Variants in PTK2 observed in about 807,000 individuals in gnomAD.
PTK2 encodes the protein protein tyrosine kinase 2.
PTK2 carries 45 observed loss-of-function variants against 150.1 expected under a neutral mutation model. The ratio of observed to expected loss-of-function variants is 0.30; its 90% confidence interval spans 0.24 to 0.38. The LOEUF (loss-of-function observed/expected upper bound fraction) is 0.38. Ranked by LOEUF, PTK2 falls within the 10% of genes least tolerant of loss-of-function variation. The pLI, the probability that PTK2 is intolerant of heterozygous loss-of-function variation, is 1.00. For missense variants in PTK2, 919 were observed against 1,307.3 expected (o/e 0.70, Z 4.58); for synonymous variants, 432 against 449.2 (o/e 0.96, Z 0.48).
At chr8:140,679,886 G>A (rs913205290) in intron 27 of PTK2, among the ~76,000 whole-genome samples, 4 of 152,090 alleles carry the variant, frequency 2.6e-5, no homozygotes, top group African/African-American at 9.7e-5. Context: ...ACAAAATGGG[G>A]CCAAAACCAA....
chr8:140,929,146 T>C lies in PTK2; in HGVS notation c.-121-3397A>G, dbSNP rs550272663. On this transcript the variant is annotated intron_variant, in intron 1 of 31. Coordinates refer to ENST00000522684, the Ensembl canonical transcript of PTK2. ...ACGCCCGGCTAATTTTTTGTATTTTTAGTAGAGACGGGGTTTCACCATTTT... is the reference window on the plus strand; with the variant it reads ...ACGCCCGGCTAATTTTTTGTATTTTCAGTAGAGACGGGGTTTCACCATTTT... Among the ~76,000 whole-genome samples, 955 of 150,240 alleles carry C rather than the reference T, an allele frequency of 6.4e-3. 6 individuals carry two copies. The highest frequency in any genetic ancestry group is 0.022 in the African/African-American group (915 of 40,972).
At chr8:140,668,533 G>T in intron 29 of PTK2, 109 bp from the exon 34 acceptor site, 1 of 1,278,544 alleles carries the variant, frequency 7.8e-7, no homozygotes, top group Non-Finnish European at 1.1e-6. Flanking sequence ...ATTGCAGAAG[G>T]TCATTGATTT....
At chr8:140,786,918 G>C (rs2100085306) in intron 14 of PTK2, among the ~76,000 whole-genome samples, 1 of 152,068 alleles carries the variant, frequency 6.6e-6, no homozygotes, top group Non-Finnish European at 1.5e-5. Flanking sequence ...ACAGAGATAA[G>C]GAGGATGGGA....
chr8:140,854,845 T>A (rs2100131556), intron 5 of PTK2, among the ~76,000 whole-genome samples: 1 of 152,180 alleles, frequency 6.6e-6, no homozygotes, highest in South Asian at 2.1e-4. Context: ...ATTTTCAGAA[T>A]GAGAAATAAT....
chr8:140,965,065 G>A (rs907532780), intron 1 of PTK2, among the ~76,000 whole-genome samples: 3 of 151,956 alleles, frequency 2.0e-5, no homozygotes, highest in African/African-American at 4.8e-5. Flanking sequence ...GAAGAGTGTC[G>A]GCCTGGGCAT....
chr8:140,937,450 A>G (rs1164346460), intron 1 of PTK2, among the ~76,000 whole-genome samples: 2 of 152,138 alleles, frequency 1.3e-5, no homozygotes, highest in African/African-American at 2.4e-5. Context: ...TAAAGCCTGG[A>G]CATAATTACA....
intron 29 of PTK2, chr8:140,669,301 G>GTATGTATATATGTA (rs547959878): frequency 3.0e-4 from 29 of 97,992 alleles, no homozygotes; most frequent in African/African-American, 1.3e-3. Context: ...GCATAAAATG[G>GTATGTATATATGTA]TATATATATA....
intron 1 of PTK2, among the ~76,000 whole-genome samples, chr8:140,948,430 T>C (rs1356968355): frequency 2.0e-5 from 3 of 152,178 alleles, no homozygotes; most frequent in Non-Finnish European, 4.4e-5. Context: ...ACTATCTTTA[T>C]CTTAAAAGGA....
rs566077659 is a variant in PTK2, at chr8:140,873,922, C to T, written c.362+5549G>A. On this transcript the variant is annotated intron_variant, in intron 4 of 31. Transcript: ENST00000522684. Reference sequence around the variant, plus strand: ...AGTACAGTAGAATTTGCCAGCCTTTCTTTTTATAGTGAACGTTTTGGAGCT... The same window carrying T: ...AGTACAGTAGAATTTGCCAGCCTTTTTTTTTATAGTGAACGTTTTGGAGCT... Among the ~76,000 whole-genome samples the T allele has an allele frequency of 2.0e-5, 3 of 152,300 alleles. No individual in the cohort carries two copies. The East Asian group carries it at 5.8e-4, about 29-fold the overall frequency.
intron 29 of PTK2, 171 bp downstream of exon 32, chr8:140,674,127 C>G (rs2100012196): frequency 1.3e-6 from 1 of 767,952 alleles, no homozygotes; most frequent in East Asian, 2.5e-5. Context: ...CCCTGACTCT[C>G]AGAGGGGTTC....
chr8:140,940,121 A>G (rs2154608812), intron 1 of PTK2, among the ~76,000 whole-genome samples: 1 of 152,360 alleles, frequency 6.6e-6, no homozygotes, highest in East Asian at 1.9e-4. Context: ...ATATCCTAAC[A>G]TATCCCTGAT....
intron 14 of PTK2, among the ~76,000 whole-genome samples, chr8:140,781,847 G>C (rs145173492): frequency 6.6e-6 from 1 of 152,326 alleles, no homozygotes; most frequent in East Asian, 1.9e-4. Context: ...TTAGAACCCA[G>C]AGAAGAAACG....
At chr8:140,743,407 C>T (rs2100056824) in intron 19 of PTK2, 77 bp from the exon 23 acceptor site, 11 of 1,094,062 alleles carry the variant, frequency 1.0e-5, no homozygotes, top group Non-Finnish European at 1.4e-6. Context: ...AAAGACATAC[C>T]AATAGGCACT....
intron 7 of PTK2, among the ~76,000 whole-genome samples, chr8:140,844,994 C>T (rs11787521): frequency 0.42 from 63,666 of 151,816 alleles, 14,972 homozygotes; most frequent in Non-Finnish European, 0.54. Context: ...CTCCCTGTCC[C>T]TAATTCAAAT....
chr8:140,872,529 C>T (rs1312349879), intron 4 of PTK2, among the ~76,000 whole-genome samples: 1 of 152,214 alleles, frequency 6.6e-6, no homozygotes, highest in Non-Finnish European at 1.5e-5. Flanking sequence ...TAAGCTCCCA[C>T]CTGCCCCTGG....
In PTK2 at chr8:140,925,048, C is replaced by T. The variant is rs76343660; in HGVS notation, c.-33+613G>A. ...TGGGAATGAACTATTAGGAAATGTA[C>T]TACTTGTAAATGTCACCAAAAGCAG... On this transcript the variant is annotated intron_variant, in intron 2 of 31. Transcript: ENST00000522684. 5.4e-3 allele frequency among the ~76,000 whole-genome samples: 819 copies of T among 152,228 alleles called. 24 individuals are homozygous for T. The East Asian group carries it at 0.082, about 15-fold the overall frequency.
chr8:140,968,607 A>G (rs907850265), intron 1 of PTK2, among the ~76,000 whole-genome samples: 4 of 152,240 alleles, frequency 2.6e-5, no homozygotes, highest in African/African-American at 9.6e-5. Context: ...CCGCTGTTCT[A>G]TTCTGCATTG....
chr8:140,764,212 A>G, intron 15 of PTK2, 22 bp downstream of exon 17: 1 of 1,593,112 alleles, frequency 6.3e-7, no homozygotes, highest in Admixed American at 1.7e-5. Flanking sequence ...CTGAGCAAGA[A>G]CAAAATCAGA....
chr8:140,659,005 T>C (rs893054050), exon 32 of PTK2: 4 of 227,216 alleles, frequency 1.8e-5, no homozygotes, highest in Non-Finnish European at 3.5e-5. Flanking sequence ...AAAATTCCAG[T>C]CTGGATAATA....
Sources: gnomAD v4.1 joint callset for allele counts (sites outside exome capture counted in the v4.1 genomes callset) on GRCh38, gnomAD v4.1.1 for gene constraint, MANE v1.5 for transcripts, NCBI Gene and HGNC (gene_info 2026-07-23, HGNC 2026-07-21) for gene names.